The following ZNF268 variants were observed in gnomAD, a reference collection of about 807,000 sequenced individuals.
ZNF268 encodes zinc finger protein 3.
Under a neutral mutation model 29.3 loss-of-function variants are expected in ZNF268, and 20 were observed. The observed-to-expected ratio is 0.68, with a 90% confidence interval of 0.48 to 0.99. ZNF268 has a LOEUF of 0.99. Among genes scored for constraint, ZNF268 ranks in the 50% least tolerant of loss-of-function variants. The pLI, the probability that ZNF268 is intolerant of heterozygous loss-of-function variation, is 0.00. For synonymous variants in ZNF268, 429 were observed against 376.9 expected (o/e 1.14, Z -1.60); for missense variants, 1,240 against 1,121.6 (o/e 1.11, Z -1.51).
chr12:133,188,249 C>G, intron 3 of ZNF268, 177 bp downstream of exon 3: 4 of 602,634 alleles, frequency 6.6e-6, no homozygotes. Flanking sequence ...CAGAGTGGAG[C>G]GCAGTGGTGC....
In ZNF268 at chr12:133,204,821, G is replaced by A. The variant is rs1027289018; in HGVS notation, c.*291G>A. The A allele has an allele frequency of 7.9e-5, 22 of 276,846 alleles. No homozygotes were observed. Among genetic ancestry groups the A allele is most frequent in the Middle Eastern group, 1.1e-3 (1 of 944 alleles). 17.1% of individuals were successfully genotyped at this position (276,846 alleles called of 1,614,324 possible). A position where few individuals can be genotyped will look rare whatever the true frequency, so the allele number is the denominator to read the frequency against. Reference sequence around the variant, plus strand: ...ATACAGGTGAGGAACCATGTTAAACGTTGTAAAGTCATTTTACTAAAATAA... The same window carrying A: ...ATACAGGTGAGGAACCATGTTAAACATTGTAAAGTCATTTTACTAAAATAA... On this transcript the variant is annotated 3_prime_UTR_variant, in exon 6 of 6. Coordinates refer to ENST00000536435, the MANE Select transcript of ZNF268 (RefSeq NM_003415.3).
chr12:133,202,655 G>A lies in ZNF268; in HGVS notation c.969G>A (p.Gln323=), dbSNP rs988780376. Residue 323 remains glutamine, a synonymous_variant, in exon 6 of 6, where the codon CAG becomes CAA. Coordinates refer to ENST00000536435, the MANE Select transcript of ZNF268 (RefSeq NM_003415.3). ...GTAAATCATACCTCATTGTACATCA[G>A]AGAATTCATACAGGAGAGAAACTAC... ...FSSKSYLIVH[Q]RIHTGEKLHE... 2 of 1,606,140 alleles carry A rather than the reference G, an allele frequency of 1.2e-6. No individual in the cohort carries two copies. Among genetic ancestry groups the A allele is most frequent in the African/African-American group, 2.7e-5 (2 of 74,798 alleles).
chr12:133,181,781 C>T, intron 1 of ZNF268, 95 bp downstream of exon 1: 1 of 591,854 alleles, frequency 1.7e-6, no homozygotes, highest in Non-Finnish European at 3.0e-6. Flanking sequence ...TTGCCTGACC[C>T]TAACCTGTGT....
intron 5 of ZNF268, among the ~76,000 whole-genome samples, chr12:133,192,789 A>G (rs1268043190): frequency 6.6e-6 from 1 of 151,704 alleles, no homozygotes; most frequent in Admixed American, 6.6e-5. Flanking sequence ...CCTTCCAAGT[A>G]GCTGGGACTA....
chr12:133,191,310 C>CT (rs1956466248), intron 3 of ZNF268, 179 bp from the exon 4 acceptor site: 3 of 649,424 alleles, frequency 4.6e-6, no homozygotes, highest in Non-Finnish European at 7.4e-6. Flanking sequence ...GAGTGAGACT[C>CT]TGTCTCAACA....
intron 5 of ZNF268, among the ~76,000 whole-genome samples, chr12:133,201,640 T>G (rs1276361269): frequency 1.3e-5 from 2 of 152,056 alleles, no homozygotes; most frequent in African/African-American, 4.8e-5. Context: ...CAGTTTATTT[T>G]TATCCATTTA....
In ZNF268 at chr12:133,202,528, G is replaced by C. The variant is rs975343752; in HGVS notation, c.842G>C (p.Cys281Ser). ...MGEKPFGCSC[C>S]EKAFSSKSYL... ...GAAAAACCCTTTGGATGCAGCTGTT[G>C]TGAGAAAGCCTTCAGCAGCAAGTCA... is the stretch of plus-strand genomic sequence containing the variant. The change falls in exon 6 of 6, where the codon TGT becomes TCT. Residue 281 changes from cysteine to serine, a missense_variant. Physicochemically the swap from Cys to Ser is moderately radical, Grantham distance 112. Transcript: ENST00000536435. The C allele has an allele frequency of 1.9e-6, 3 of 1,611,972 alleles. No homozygotes were observed. The highest frequency in any genetic ancestry group is 1.7e-5 in the Admixed American group (1 of 59,612).
intron 5 of ZNF268, among the ~76,000 whole-genome samples, chr12:133,196,634 C>T (rs1403334779): frequency 4.6e-5 from 7 of 152,140 alleles, no homozygotes; most frequent in African/African-American, 1.7e-4. Context: ...TAGTGACAGT[C>T]AAACACAGGA....
Position 133,203,526 on chromosome 12 carries a change from T to G in ZNF268, c.1840T>G (p.Cys614Gly). Residue 614 changes from cysteine (C) to glycine (G), a missense_variant, in exon 6 of 6, where the codon TGT (cysteine) becomes GGT (glycine). Physicochemically the swap from Cys to Gly is radical, Grantham distance 159. Around this residue, in one of 3 missense-constraint regions of ZNF268, gnomAD observed 1,177 missense variants for 1,039.6 expected, o/e 1.13. Coordinates refer to ENST00000536435, the MANE Select transcript of ZNF268 (RefSeq NM_003415.3). ...TCATACAGGGGAGAAACCATTTGAATGTAGTGAGTGTCAGAAAGCCTTTAA... is the reference window on the plus strand; with the variant it reads ...TCATACAGGGGAGAAACCATTTGAAGGTAGTGAGTGTCAGAAAGCCTTTAA... ...RTHTGEKPFE[C>G]SECQKAFNTK... 2 of 1,548,154 alleles carry G rather than the reference T, an allele frequency of 1.3e-6. No homozygotes were observed. The highest frequency in any genetic ancestry group is 1.7e-6 in the Non-Finnish European group (2 of 1,150,406).
chr12:133,191,915 A>G lies in ZNF268; in HGVS notation c.369A>G (p.Gln123=), dbSNP rs1956484747. 2 of 1,613,994 alleles carry G rather than the reference A, an allele frequency of 1.2e-6. No homozygotes were observed. Among genetic ancestry groups the G allele is most frequent in the African/African-American group, 1.3e-5 (1 of 74,924 alleles). ...TGATTTTTCTATTTATAGGGTACCA[A>G]CACACCAAACCTGATATCATCTTCA... ...NYSNLVSLGY[Q]HTKPDIIFKL... The change falls in exon 5 of 6, where the codon CAA becomes CAG. Residue 123 remains glutamine (Q), a synonymous_variant. Transcript: ENST00000536435.
chr12:133,193,696 A>G (rs1026544687), intron 5 of ZNF268, among the ~76,000 whole-genome samples: 1 of 152,222 alleles, frequency 6.6e-6, no homozygotes, highest in African/African-American at 2.4e-5. Flanking sequence ...GAGGGGACAC[A>G]TTCAAACCTT....
chr12:133,213,325 G>GA lies in ZNF268; in HGVS notation c.*8801dup, dbSNP rs1957012650. On this transcript the variant is annotated 3_prime_UTR_variant, in exon 6 of 6. Coordinates refer to ENST00000536435, the MANE Select transcript of ZNF268 (RefSeq NM_003415.3). Reference sequence around the variant, plus strand: ...GACACCAGAAGCATGGGAAACAAAAGAAAAAATAGGTAAATTGGACTTCAC... The same window carrying GA: ...GACACCAGAAGCATGGGAAACAAAAGAAAAAAATAGGTAAATTGGACTTCAC... The GA allele has an allele frequency of 6.6e-6, 1 of 152,044 alleles. No homozygotes were observed. The highest frequency in any genetic ancestry group is 2.4e-5 in the African/African-American group (1 of 41,420). The allele number at this position is 152,044 out of a possible 1,614,324, so 9.4% of individuals were successfully genotyped here.
In ZNF268 at chr12:133,209,748, G is replaced by GGTTGCAGTGAGCTGAGATTGTGCC. The variant is rs1476587546; in HGVS notation, c.*5219_*5242dup. The GGTTGCAGTGAGCTGAGATTGTGCC allele has an allele frequency of 4.6e-5, 7 of 152,208 alleles. No individual in the cohort carries two copies. The highest frequency in any genetic ancestry group is 5.9e-5 in the Non-Finnish European group (4 of 68,050). 9.4% of individuals were successfully genotyped at this position (152,208 alleles called of 1,614,324 possible). On this transcript the variant is annotated 3_prime_UTR_variant, in exon 6 of 6. Coordinates refer to ENST00000536435, the MANE Select transcript of ZNF268 (RefSeq NM_003415.3). ...GAATTGCTTGAACTGGAGAGGCGGA[G>GGTTGCAGTGAGCTGAGATTGTGCC]GTTGCAGTGAGCTGAGATTGTGCCA...
chr12:133,204,877 A>T lies in ZNF268; in HGVS notation c.*347A>T. ...ACAAAGAGGAAACTTCATGAACCAG[A>T]TGAATATAGAATAGACTTCTTTGAA... On this transcript the variant is annotated 3_prime_UTR_variant, in exon 6 of 6. Transcript: ENST00000536435. The T allele has an allele frequency of 5.2e-6, 1 of 192,584 alleles. No homozygotes were observed. 11.9% of individuals were successfully genotyped at this position (192,584 alleles called of 1,614,324 possible).
In ZNF268 at chr12:133,203,064, A is replaced by C. The variant is rs1566382835; in HGVS notation, c.1378A>C (p.Ile460Leu). 6.5e-7 allele frequency: 1 copy of C among 1,538,212 alleles called. No homozygotes were observed. The highest frequency in any genetic ancestry group is 8.7e-7 in the Non-Finnish European group (1 of 1,147,222). ...GKAFTFKSQL[I>L]VHQGIHTGVK... Reference sequence around the variant, plus strand: ...AGCCTTTACATTCAAGTCACAGCTCATTGTACATCAGGGGATTCACACAGG... The same window carrying C: ...AGCCTTTACATTCAAGTCACAGCTCCTTGTACATCAGGGGATTCACACAGG... Residue 460 changes from isoleucine (I) to leucine (L), a missense_variant, in exon 6 of 6, where the codon ATT becomes CTT. Coordinates refer to ENST00000536435, the MANE Select transcript of ZNF268 (RefSeq NM_003415.3).
rs182010878 is a variant in ZNF268, at chr12:133,203,565, C to T, written c.1879C>T (p.Leu627=). 4.0e-4 allele frequency: 621 copies of T among 1,562,380 alleles called. 4 individuals are homozygous for T. The East Asian group carries it at 0.014, about 35-fold the overall frequency. ...CQKAFNTKSN[L]IVHQRTHTGE... is the part of the protein sequence containing the mutation. ...GAAAGCCTTTAATACAAAGTCAAAC[C>T]TGATTGTACATCAGAGAACTCATAC... Residue 627 remains leucine (L), a synonymous_variant, in exon 6 of 6, where the codon CTG becomes TTG. Coordinates refer to ENST00000536435, the MANE Select transcript of ZNF268 (RefSeq NM_003415.3).
intron 3 of ZNF268, among the ~76,000 whole-genome samples, chr12:133,191,106 G>C (rs1956459074): frequency 6.6e-6 from 1 of 152,086 alleles, no homozygotes; most frequent in Non-Finnish European, 1.5e-5. Flanking sequence ...CACAAAGTCA[G>C]GAGATCGAGA....
intron 5 of ZNF268, among the ~76,000 whole-genome samples, chr12:133,195,492 G>A (rs897903477): frequency 6.6e-6 from 1 of 152,124 alleles, no homozygotes; most frequent in African/African-American, 2.4e-5. Flanking sequence ...ATCACTTGAG[G>A]CCAGGAGCTT....
rs1957000020 is a variant in ZNF268, at chr12:133,212,496, T to G, written c.*7966T>G. ...ATATATATATATATATATATATATA[T>G]ATGTATATATACACACACACATACA... is the stretch of plus-strand genomic sequence containing the variant. On this transcript the variant is annotated 3_prime_UTR_variant, in exon 6 of 6. Coordinates refer to ENST00000536435, the MANE Select transcript of ZNF268 (RefSeq NM_003415.3). The G allele has an allele frequency of 5.1e-5, 1 of 19,658 alleles. No individual in the cohort carries two copies. The highest frequency in any genetic ancestry group is 5.4e-4 in the Admixed American group (1 of 1,866). 1.2% of individuals were successfully genotyped at this position (19,658 alleles called of 1,614,324 possible). A position where few individuals can be genotyped will look rare whatever the true frequency, so the allele number is the denominator to read the frequency against.
Sources: gnomAD v4.1 joint callset for allele counts (sites outside exome capture counted in the v4.1 genomes callset) on GRCh38, gnomAD v4.1.1 for gene constraint, gnomAD v4.1.1 regional missense constraint, MANE v1.5 for transcripts, NCBI Gene and HGNC (gene_info 2026-07-23, HGNC 2026-07-21) for gene names.